NAV2: variants seen among roughly 807,000 people sequenced by gnomAD.
The protein encoded by NAV2 is neuron navigator 2, also known as helicase, APC down-regulated 1.
In NAV2, 54 loss-of-function variants were observed where a neutral mutation model predicts 223.2. That is an observed-to-expected ratio of 0.24 (90% CI 0.19 to 0.30). The LOEUF (loss-of-function observed/expected upper bound fraction) is 0.30, where lower values mean the gene tolerates loss of function less well. Among genes scored for constraint, NAV2 ranks in the 10% least tolerant of loss-of-function variants. The pLI, the probability that NAV2 is intolerant of heterozygous loss-of-function variation, is 1.00. For synonymous variants in NAV2, 1,279 were observed against 1,239.3 expected (o/e 1.03, Z -0.67); for missense variants, 2,806 against 3,147.5 (o/e 0.89, Z 2.60).
chr11:19,788,434 C>G (rs1211658132), intron 1 of NAV2, among the ~76,000 whole-genome samples: 2 of 152,190 alleles, frequency 1.3e-5, no homozygotes, highest in Non-Finnish European at 2.9e-5. Context: ...ATAGCAAATG[C>G]TTCCGTTTGA....
rs368623724 is a variant in NAV2, at chr11:20,092,162, A to C, written c.5653-44A>C. On this transcript the variant is annotated intron_variant, in intron 27 of 37. Transcript: ENST00000349880. Reference sequence around the variant, plus strand: ...CTTCCTTCAGAAAAATCTTGTTCACATTACTTCTGCCTACTAAGGGAGCTT... The same window carrying C: ...CTTCCTTCAGAAAAATCTTGTTCACCTTACTTCTGCCTACTAAGGGAGCTT... The C allele has an allele frequency of 1.5e-5, 24 of 1,587,638 alleles. No individual in the cohort carries two copies. The African/African-American group carries it at 3.1e-4, about 20-fold the overall frequency.
chr11:19,843,077 T>G (rs986912267), intron 3 of NAV2, among the ~76,000 whole-genome samples, 154 bp downstream of exon 3: 1 of 152,226 alleles, frequency 6.6e-6, no homozygotes, highest in Non-Finnish European at 1.5e-5. Context: ...TGTGTTCTGC[T>G]TTTCTGACAT....
chr11:19,455,614 C>G (rs1851932294), intron 1 of NAV2, among the ~76,000 whole-genome samples: 1 of 152,146 alleles, frequency 6.6e-6, no homozygotes, highest in African/African-American at 2.4e-5. Context: ...CACAGCATCT[C>G]TATGAATGGG....
chr11:19,846,526 T>C (rs2060821092), intron 3 of NAV2, among the ~76,000 whole-genome samples: 2 of 152,200 alleles, frequency 1.3e-5, no homozygotes, highest in South Asian at 4.1e-4. Flanking sequence ...GGACAGAAGT[T>C]CAGCCATGAA....
intron 1 of NAV2, among the ~76,000 whole-genome samples, chr11:19,524,060 C>T (rs548208406): frequency 2.0e-5 from 3 of 152,304 alleles, no homozygotes; most frequent in Non-Finnish European, 4.4e-5. Context: ...TCTCTCTTAG[C>T]ACTTGTCAAC....
chr11:19,457,761 A>C (rs939112990), intron 1 of NAV2, among the ~76,000 whole-genome samples: 1 of 152,114 alleles, frequency 6.6e-6, no homozygotes, highest in East Asian at 1.9e-4. Context: ...TTTTGTAACA[A>C]GTTTTGGGGC....
At chr11:19,786,432 A>G (rs989820810) in intron 1 of NAV2, among the ~76,000 whole-genome samples, 2 of 152,242 alleles carry the variant, frequency 1.3e-5, no homozygotes, top group Admixed American at 6.5e-5. Context: ...TAATGGAACA[A>G]TGGTACAGTT....
chr11:19,713,573 G>C lies in NAV2; in HGVS notation c.-123G>C, dbSNP rs985873614. 10 of 1,393,690 alleles carry C rather than the reference G, an allele frequency of 7.2e-6. No individual in the cohort carries two copies. The highest frequency in any genetic ancestry group is 5.9e-5 in the African/African-American group (4 of 67,316). The allele number at this position is 1,393,690 out of a possible 1,614,324, so 86.3% of individuals were successfully genotyped here. On this transcript the variant is annotated 5_prime_UTR_variant, in exon 1 of 38. Transcript: ENST00000349880. This position sits in a 1 kb window ranked among gnomAD's most constrained non-coding sequence, Gnocchi z 7.2. ...CGACCTGGGGATTTTTTTTTTAGCC[G>C]CTGGTGGTGGGCGCCTCGTGGGCTA...
chr11:19,782,530 G>T (rs1264025443), intron 1 of NAV2, among the ~76,000 whole-genome samples: 1 of 152,102 alleles, frequency 6.6e-6, no homozygotes, highest in Non-Finnish European at 1.5e-5. Context: ...GAAAAAAATT[G>T]TTTTGTTTCT....
At chr11:19,422,374 T>A (rs1466841976) in intron 1 of NAV2, among the ~76,000 whole-genome samples, 2 of 152,142 alleles carry the variant, frequency 1.3e-5, no homozygotes, top group African/African-American at 4.8e-5. Flanking sequence ...GTGAGTTCAG[T>A]CTGGCCAGCC....
At chr11:19,649,600 C>T (rs745337167) in intron 1 of NAV2, among the ~76,000 whole-genome samples, 3 of 152,178 alleles carry the variant, frequency 2.0e-5, no homozygotes, top group African/African-American at 7.2e-5. Flanking sequence ...TATAAGTGCA[C>T]TGATCCCACT....
At chr11:20,081,233 T>G (rs551748987) in intron 25 of NAV2, among the ~76,000 whole-genome samples, 1 of 152,346 alleles carries the variant, frequency 6.6e-6, no homozygotes, top group South Asian at 2.1e-4. Context: ...GATTAAATTT[T>G]CTTTTTTAAG....
At chr11:19,388,337 C>A (rs770339357) in intron 1 of NAV2, among the ~76,000 whole-genome samples, 8 of 152,198 alleles carry the variant, frequency 5.3e-5, no homozygotes, top group Non-Finnish European at 1.0e-4. Context: ...CCAGCTGTTC[C>A]CAGTCCCAGA....
intron 3 of NAV2, among the ~76,000 whole-genome samples, chr11:19,848,341 C>T (rs1430876337): frequency 6.6e-6 from 1 of 152,242 alleles, no homozygotes; most frequent in Non-Finnish European, 1.5e-5. Flanking sequence ...GCCACCATAG[C>T]TGCCCCTTGC....
At chr11:19,889,237 C>T (rs1169971949) in intron 5 of NAV2, among the ~76,000 whole-genome samples, 1 of 152,174 alleles carries the variant, frequency 6.6e-6, no homozygotes, top group Non-Finnish European at 1.5e-5. Flanking sequence ...TTCCCACTTA[C>T]CACACAGTCA....
chr11:19,900,656 C>A (rs111728165), intron 6 of NAV2, among the ~76,000 whole-genome samples: 2,211 of 152,258 alleles, frequency 0.015, 59 homozygotes, highest in African/African-American at 0.051. Context: ...AGGGTTCCCA[C>A]AAGGATTAGG....
At chr11:20,042,643 A>AT (rs2057032571) in intron 12 of NAV2, among the ~76,000 whole-genome samples, 2 of 152,128 alleles carry the variant, frequency 1.3e-5, no homozygotes, top group South Asian at 4.1e-4. Flanking sequence ...CCATTCAGCC[A>AT]TTGTATTCCA....
intron 1 of NAV2, among the ~76,000 whole-genome samples, chr11:19,438,085 C>G (rs1851273473): frequency 6.6e-6 from 1 of 152,188 alleles, no homozygotes; most frequent in African/African-American, 2.4e-5. Flanking sequence ...CTACTTTTGA[C>G]TCTGGCCTCA....
intron 36 of NAV2, among the ~76,000 whole-genome samples, chr11:20,111,106 A>G (rs973732905): frequency 1.3e-5 from 2 of 152,214 alleles, no homozygotes; most frequent in African/African-American, 4.8e-5. Context: ...GTGTAAGTGC[A>G]GATGCACTTG....
Sources: gnomAD v4.1 joint callset for allele counts (sites outside exome capture counted in the v4.1 genomes callset) on GRCh38, gnomAD v4.1.1 for gene constraint, Gnocchi (gnomAD v3.1) non-coding constraint, MANE v1.5 for transcripts, NCBI Gene and HGNC (gene_info 2026-07-23, HGNC 2026-07-21) for gene names.